The following RTTN variants were observed in gnomAD, a reference collection of about 807,000 sequenced individuals.
RTTN encodes the protein rotatin.
Under a neutral mutation model 269.2 loss-of-function variants are expected in RTTN, and 182 were observed. The observed-to-expected ratio is 0.68, with a 90% confidence interval of 0.60 to 0.76. RTTN has a LOEUF of 0.76. Ranked by LOEUF, RTTN falls within the 30% of genes least tolerant of loss-of-function variation. The pLI is 0.00. For missense variants in RTTN, 2,545 were observed against 2,608.6 expected (o/e 0.98, Z 0.53); for synonymous variants, 1,006 against 963.5 (o/e 1.04, Z -0.82).
intron 4 of RTTN, among the ~76,000 whole-genome samples, chr18:70,201,409 C>T (rs1213082917): frequency 2.7e-5 from 4 of 150,434 alleles, no homozygotes; most frequent in East Asian, 1.9e-4. Flanking sequence ...GAGACCATCC[C>T]GGCTAAAAAA....
intron 18 of RTTN, among the ~76,000 whole-genome samples, chr18:70,144,718 A>T (rs919701291): frequency 6.6e-6 from 1 of 152,136 alleles, no homozygotes; most frequent in Admixed American, 6.6e-5. Context: ...CCCTGCCAGC[A>T]CTGTCATAAA....
intron 41 of RTTN, 59 bp from the exon 42 acceptor site, chr18:70,030,168 C>A (rs1333564668): frequency 2.8e-6 from 3 of 1,065,850 alleles, no homozygotes; most frequent in East Asian, 4.9e-5. Context: ...AAGTTATAAC[C>A]ACATATACCA....
In RTTN at chr18:70,073,701, G is replaced by A. The variant is rs78532798; in HGVS notation, c.4653+205C>T. Among the ~76,000 whole-genome samples the A allele has an allele frequency of 0.016, 2,500 of 152,154 alleles. 66 individuals are homozygous for A. Among genetic ancestry groups the A allele is most frequent in the African/African-American group, 0.055 (2,300 of 41,506 alleles). ...GTTACTTTACTTCAGAGTGGCTTGC[G>A]CACACAGAAAAGCAAGATAAGTATC... On this transcript the variant is annotated intron_variant, in intron 34 of 48. Transcript: ENST00000640769.
chr18:70,118,968 T>C (rs1160846555), intron 26 of RTTN, among the ~76,000 whole-genome samples: 1 of 152,148 alleles, frequency 6.6e-6, no homozygotes, highest in Non-Finnish European at 1.5e-5. Flanking sequence ...AACCCACAGC[T>C]AACATCATTC....
intron 14 of RTTN, among the ~76,000 whole-genome samples, chr18:70,161,601 T>C (rs141674679): frequency 0.015 from 2,212 of 152,312 alleles, 55 homozygotes; most frequent in African/African-American, 0.05. Context: ...AAACTATGCA[T>C]GTGACAAAGG....
intron 43 of RTTN, among the ~76,000 whole-genome samples, chr18:70,028,154 T>C (rs1309371649): frequency 6.6e-6 from 1 of 152,204 alleles, no homozygotes; most frequent in African/African-American, 2.4e-5. Context: ...CAAGATTATA[T>C]CCTCTATAGT....
chr18:70,193,080 T>G (rs542664397), intron 8 of RTTN: 271 of 508,368 alleles, frequency 5.3e-4, no homozygotes, highest in Non-Finnish European at 7.7e-4. Flanking sequence ...GAGCACTGAG[T>G]TGCGATGTAA....
intron 12 of RTTN, among the ~76,000 whole-genome samples, chr18:70,167,703 CAA>C (rs34745283): frequency 1.2e-4 from 11 of 88,716 alleles, no homozygotes; most frequent in East Asian, 3.7e-4. Flanking sequence ...GATTTCGTCT[CAA>C]AAAAAAAAAA....
At chr18:70,068,619 C>T (rs1268495448) in intron 34 of RTTN, among the ~76,000 whole-genome samples, 1 of 152,214 alleles carries the variant, frequency 6.6e-6, no homozygotes, top group African/African-American at 2.4e-5. Context: ...TAAGAGCAAA[C>T]TTAGTCTGCT....
chr18:70,149,545 A>AG (rs1214490179), intron 16 of RTTN, among the ~76,000 whole-genome samples: 2 of 151,652 alleles, frequency 1.3e-5, no homozygotes, highest in Middle Eastern at 3.2e-3. Flanking sequence ...CTTTTTTAAA[A>AG]AAAAAAAAAA....
intron 10 of RTTN, among the ~76,000 whole-genome samples, chr18:70,187,230 T>C (rs560035616): frequency 2.8e-4 from 42 of 152,280 alleles, no homozygotes; most frequent in African/African-American, 1.0e-3. Context: ...TAGGGAATAA[T>C]CCTCATACCT....
At chr18:70,172,049 T>C (rs1362920772) in intron 11 of RTTN, among the ~76,000 whole-genome samples, 1 of 152,224 alleles carries the variant, frequency 6.6e-6, no homozygotes, top group Non-Finnish European at 1.5e-5. Context: ...CCTAGAATGC[T>C]CTGTGCTTCT....
At chr18:70,067,514 GA>G (rs1185977795) in intron 34 of RTTN, among the ~76,000 whole-genome samples, 1 of 152,108 alleles carries the variant, frequency 6.6e-6, no homozygotes, top group Non-Finnish European at 1.5e-5. Flanking sequence ...AGAGATATGT[GA>G]AAAAATGTTC....
intron 20 of RTTN, 76 bp downstream of exon 20, chr18:70,140,024 T>C: frequency 1.0e-6 from 1 of 974,162 alleles, no homozygotes; most frequent in Non-Finnish European, 1.6e-6. Flanking sequence ...CTCATCCAAA[T>C]TCTGCTCAGT....
chr18:70,107,227 G>A (rs559438450), intron 28 of RTTN, among the ~76,000 whole-genome samples: 7 of 152,242 alleles, frequency 4.6e-5, no homozygotes, highest in East Asian at 1.9e-4. Flanking sequence ...AGTGCTCGTC[G>A]GAACCTAGGA....
intron 34 of RTTN, among the ~76,000 whole-genome samples, chr18:70,068,204 T>G (rs927380151): frequency 3.3e-5 from 5 of 152,246 alleles, no homozygotes; most frequent in African/African-American, 1.2e-4. Flanking sequence ...TTTGATAAAG[T>G]ACATCGATAT....
intron 28 of RTTN, among the ~76,000 whole-genome samples, chr18:70,096,466 C>T (rs932240142): frequency 6.6e-6 from 1 of 152,074 alleles, no homozygotes; most frequent in Non-Finnish European, 1.5e-5. Flanking sequence ...ATGTTGGTGA[C>T]CTTTGGATGG....
intron 26 of RTTN, among the ~76,000 whole-genome samples, chr18:70,119,198 A>C (rs1045345772): frequency 6.6e-6 from 1 of 152,098 alleles, no homozygotes; most frequent in Non-Finnish European, 1.5e-5. Flanking sequence ...ACTCCACCAA[A>C]AAACTTTGAT....
At chr18:70,184,716 T>TTTTGTGTGTGTGTGTG (rs59000945) in intron 10 of RTTN, among the ~76,000 whole-genome samples, 4 of 33,462 alleles carry the variant, frequency 1.2e-4, no homozygotes, top group African/African-American at 2.5e-4. Flanking sequence ...TTTTTTTTTT[T>TTTTGTGTGTGTGTGTG]TGTGTGTGTG....
Sources: gnomAD v4.1 joint callset for allele counts (sites outside exome capture counted in the v4.1 genomes callset) on GRCh38, gnomAD v4.1.1 for gene constraint, MANE v1.5 for transcripts, NCBI Gene and HGNC (gene_info 2026-07-23, HGNC 2026-07-21) for gene names.